Variants in HEATR5A observed in about 807,000 individuals in gnomAD.
HEATR5A encodes HEAT repeat-containing protein 5A.
A neutral mutation model predicts 218.8 loss-of-function variants in HEATR5A; 178 were observed. That is an observed-to-expected ratio of 0.81 (90% CI 0.72 to 0.92). The LOEUF (loss-of-function observed/expected upper bound fraction) is 0.92. HEATR5A is among the 40% of genes least tolerant of loss of function. The pLI is 0.00. For missense variants in HEATR5A, 2,420 were observed against 2,418.9 expected (o/e 1.00, Z -0.01); for synonymous variants, 864 against 871.6 (o/e 0.99, Z 0.15).
chr14:31,350,758 GTTTTTGTTTGTT>G (rs976661063), intron 16 of HEATR5A, 41 bp from the exon 17 acceptor site: 34 of 921,284 alleles, frequency 3.7e-5, no homozygotes, highest in Non-Finnish European at 5.3e-5. Context: ...AAGTAGGTAA[GTTTTTGTTTGTT>G]TGTTTGTTTG....
At chr14:31,417,334 C>T (rs1295593005) in intron 1 of HEATR5A, among the ~76,000 whole-genome samples, 6 of 152,034 alleles carry the variant, frequency 3.9e-5, no homozygotes, top group Admixed American at 3.9e-4. Context: ...CCGAGGTACG[C>T]GGATCACGAG....
At chr14:31,376,337 G>A (rs1034185160) in intron 11 of HEATR5A, among the ~76,000 whole-genome samples, 2 of 152,080 alleles carry the variant, frequency 1.3e-5, no homozygotes, top group African/African-American at 4.8e-5. Context: ...TCAACACACC[G>A]AAATCTTTCT....
intron 31 of HEATR5A, among the ~76,000 whole-genome samples, chr14:31,305,946 T>C (rs1242814656): frequency 6.6e-6 from 1 of 152,222 alleles, no homozygotes; most frequent in Non-Finnish European, 1.5e-5. Context: ...CTATAATATG[T>C]AGCCAACTAT....
chr14:31,314,122 ATTT>A (rs1301609791), intron 27 of HEATR5A, among the ~76,000 whole-genome samples: 1 of 148,002 alleles, frequency 6.8e-6, no homozygotes, highest in Non-Finnish European at 1.5e-5. Flanking sequence ...TGGTTTTTGT[ATTT>A]TTAGTAGAGA....
chr14:31,320,701 T>C (rs1230233405), intron 25 of HEATR5A: 3 of 437,236 alleles, frequency 6.9e-6, no homozygotes, highest in Non-Finnish European at 4.2e-6. Context: ...AAAATCAACC[T>C]TTAAAGTTAC....
chr14:31,364,359 T>C (rs1212527897), intron 13 of HEATR5A, 61 bp from the exon 14 acceptor site: 1 of 764,468 alleles, frequency 1.3e-6, no homozygotes, highest in Non-Finnish European at 2.1e-6. Flanking sequence ...ATACAAAAAT[T>C]GACAGCTTAA....
At chr14:31,361,261 C>T (rs183589016) in intron 14 of HEATR5A, among the ~76,000 whole-genome samples, 26 of 152,190 alleles carry the variant, frequency 1.7e-4, no homozygotes, top group Non-Finnish European at 3.2e-4. Context: ...AAGGTATACA[C>T]TATGGGATAC....
intron 16 of HEATR5A, among the ~76,000 whole-genome samples, chr14:31,357,466 G>A (rs185709962): frequency 9.2e-5 from 14 of 152,214 alleles, no homozygotes; most frequent in South Asian, 2.1e-4. Context: ...GAATCAGTGC[G>A]GATGACAGTG....
rs1009239460 is a variant in HEATR5A, at chr14:31,359,154, C to T, written c.2072-97G>A. The T allele has an allele frequency of 1.7e-5, 19 of 1,126,144 alleles. No individual in the cohort carries two copies. In the African/African-American group the frequency reaches 2.9e-4, roughly 17 times the overall value. 69.8% of individuals were successfully genotyped at this position (1,126,144 alleles called of 1,614,324 possible). On this transcript the variant is annotated intron_variant, in intron 14 of 35. Coordinates refer to ENST00000543095, the MANE Select transcript of HEATR5A (RefSeq NM_015473.4). ...GTTGAGCTTTAATGCACCCACTGGC[C>T]AACTTTAACATATCACAGCCAAAAG...
rs549571289 is a variant in HEATR5A, at chr14:31,296,167, T to C, written c.5465-104A>G. On this transcript the variant is annotated intron_variant, in intron 33 of 35. Coordinates refer to ENST00000543095, the MANE Select transcript of HEATR5A (RefSeq NM_015473.4). ...GTAACAGTTTGGTGTACACAACAGATACACACAATGAACGCTGACTAAGAA... is the reference window on the plus strand; with the variant it reads ...GTAACAGTTTGGTGTACACAACAGACACACACAATGAACGCTGACTAAGAA... 7 of 818,852 alleles carry C rather than the reference T, an allele frequency of 8.5e-6. No individual in the cohort carries two copies. In the East Asian group the frequency reaches 1.3e-4, roughly 16 times the overall value. The allele number at this position is 818,852 out of a possible 1,614,324, so 50.7% of individuals were successfully genotyped here. A position where few individuals can be genotyped will look rare whatever the true frequency, so the allele number is the denominator to read the frequency against.
chr14:31,368,403 C>G (rs989468687), intron 13 of HEATR5A, among the ~76,000 whole-genome samples: 3 of 152,116 alleles, frequency 2.0e-5, no homozygotes, highest in African/African-American at 4.8e-5. Context: ...AGCATAGCAG[C>G]ACAAATGGAC....
At chr14:31,321,476 A>G in intron 25 of HEATR5A, 23 bp downstream of exon 25, 1 of 1,535,308 alleles carries the variant, frequency 6.5e-7, no homozygotes, top group Non-Finnish European at 8.8e-7. Context: ...TAATAATAAA[A>G]TTCTCTAAAA....
intron 6 of HEATR5A, among the ~76,000 whole-genome samples, chr14:31,392,715 C>T (rs1459995352): frequency 6.6e-6 from 1 of 152,172 alleles, no homozygotes; most frequent in African/African-American, 2.4e-5. Flanking sequence ...GTGCTTGATC[C>T]TCCTCCCTGA....
At chr14:31,346,302 A>G (rs1164041842) in intron 19 of HEATR5A, among the ~76,000 whole-genome samples, 1 of 151,978 alleles carries the variant, frequency 6.6e-6, no homozygotes, top group Non-Finnish European at 1.5e-5. Flanking sequence ...GAAGAGAGAG[A>G]AGAAGAATAT....
chr14:31,326,356 A>G lies in HEATR5A; in HGVS notation c.3368-14T>C, dbSNP rs769158633. On this transcript the variant is annotated splice_polypyrimidine_tract_variant and intron_variant, in intron 22 of 35. Coordinates refer to ENST00000543095, the MANE Select transcript of HEATR5A (RefSeq NM_015473.4). ...TGATGTTAGCATCTGACAAGAAGAAAATCAATTATCTAAGTAATACAGAAA... is the reference window on the plus strand; with the variant it reads ...TGATGTTAGCATCTGACAAGAAGAAGATCAATTATCTAAGTAATACAGAAA... 1.9e-5 allele frequency: 30 copies of G among 1,596,684 alleles called. No homozygotes were observed. The highest frequency in any genetic ancestry group is 2.4e-5 in the Non-Finnish European group (28 of 1,170,858).
Position 31,371,736 on chromosome 14 carries a change from T to C in HEATR5A, c.1961+74A>G, listed in dbSNP as rs1595147734. ...AAAATCATTCACCAACTACAGAAATTTGCCTTATTAATGTACTTAAGGAAT... is the reference window on the plus strand; with the variant it reads ...AAAATCATTCACCAACTACAGAAATCTGCCTTATTAATGTACTTAAGGAAT... On this transcript the variant is annotated intron_variant, in intron 13 of 35. Coordinates refer to ENST00000543095, the MANE Select transcript of HEATR5A (RefSeq NM_015473.4). The C allele has an allele frequency of 7.2e-6, 4 of 552,106 alleles. No individual in the cohort carries two copies. The Middle Eastern group carries it at 8.3e-4, about 114-fold the overall frequency. 34.2% of individuals were successfully genotyped at this position (552,106 alleles called of 1,614,324 possible). A position where few individuals can be genotyped will look rare whatever the true frequency, so the allele number is the denominator to read the frequency against.
intron 28 of HEATR5A, among the ~76,000 whole-genome samples, chr14:31,309,762 C>T (rs983345014): frequency 2.6e-5 from 4 of 151,816 alleles, no homozygotes; most frequent in Admixed American, 6.6e-5. Flanking sequence ...ACTGCAGTGG[C>T]GTGATGTCGG....
At chr14:31,397,816 AC>A (rs1028493767) in intron 4 of HEATR5A, among the ~76,000 whole-genome samples, 95 of 152,106 alleles carry the variant, frequency 6.2e-4, no homozygotes, top group African/African-American at 2.0e-3. Context: ...TCACCACCAT[AC>A]CCCAACTAAT....
intron 28 of HEATR5A, among the ~76,000 whole-genome samples, chr14:31,312,198 A>G (rs1428332712): frequency 6.6e-6 from 1 of 152,220 alleles, no homozygotes; most frequent in African/African-American, 2.4e-5. Flanking sequence ...AGAAACTCAG[A>G]AAGATTCATT....
Sources: allele counts gnomAD v4.1 joint callset (sites outside exome capture counted in the v4.1 genomes callset), GRCh38; gene constraint gnomAD v4.1.1; transcripts MANE v1.5; gene names NCBI Gene and HGNC (gene_info 2026-07-23, HGNC 2026-07-21).